The following RAB3IP variants were observed in gnomAD, a reference collection of about 807,000 sequenced individuals.
The protein encoded by RAB3IP is rab-3A-interacting protein.
A neutral mutation model predicts 59.1 loss-of-function variants in RAB3IP; 36 were observed. The observed-to-expected ratio is 0.61, with a 90% CI of 0.47 to 0.80. The LOEUF is 0.80. RAB3IP is among the 30% of genes least tolerant of loss of function. The pLI, the probability that RAB3IP is intolerant of heterozygous loss-of-function variation, is 0.00. For missense variants in RAB3IP, 511 were observed against 536.0 expected (o/e 0.95, Z 0.46); for synonymous variants, 207 against 191.2 (o/e 1.08, Z -0.68).
chr12:69,807,541 C>A (rs1233069737), intron 8 of RAB3IP, among the ~76,000 whole-genome samples: 2 of 145,674 alleles, frequency 1.4e-5, no homozygotes, highest in Admixed American at 6.8e-5. Context: ...GACAGGGTGG[C>A]TGGGCAGAGA....
chr12:69,741,921 T>C (rs1887383446), intron 1 of RAB3IP, among the ~76,000 whole-genome samples: 1 of 152,244 alleles, frequency 6.6e-6, no homozygotes, highest in African/African-American at 2.4e-5. Context: ...TAATGTAATA[T>C]GTAATTCTCA....
At position 69,769,774 on chromosome 12, in the gene RAB3IP, A is replaced by G. The variant is rs115062642; in HGVS notation, c.510+13111A>G. ...TACTAGTTGGGGAGAAGTAGCATGT[A>G]TTTTATGGTGATGTTTCATTGATTC... On this transcript the variant is annotated intron_variant, in intron 3 of 10. Coordinates refer to ENST00000247833, the MANE Select transcript of RAB3IP (RefSeq NM_022456.5). Among the ~76,000 whole-genome samples the G allele has an allele frequency of 4.9e-3, 753 of 152,320 alleles. 7 individuals are homozygous for G. The highest frequency in any genetic ancestry group is 0.017 in the African/African-American group (717 of 41,576).
At chr12:69,780,842 G>C (rs547641644) in intron 3 of RAB3IP, among the ~76,000 whole-genome samples, 1 of 151,934 alleles carries the variant, frequency 6.6e-6, no homozygotes, top group South Asian at 2.1e-4. Flanking sequence ...TGGAAGGTTT[G>C]ATTTTTGTTT....
intron 4 of RAB3IP, among the ~76,000 whole-genome samples, chr12:69,790,326 A>G (rs1876400720): frequency 6.6e-6 from 1 of 152,240 alleles, no homozygotes; most frequent in African/African-American, 2.4e-5. Context: ...CATCAAAAAG[A>G]ATAAAATACT....
At chr12:69,814,527 G>A (rs1207655242) in intron 10 of RAB3IP, among the ~76,000 whole-genome samples, 1 of 152,030 alleles carries the variant, frequency 6.6e-6, no homozygotes, top group Non-Finnish European at 1.5e-5. Context: ...TGTTGTGGGG[G>A]ACGGTCTTGT....
At chr12:69,758,526 C>T (rs1287504477) in intron 3 of RAB3IP, among the ~76,000 whole-genome samples, 3 of 152,054 alleles carry the variant, frequency 2.0e-5, no homozygotes, top group Non-Finnish European at 4.4e-5. Context: ...TGATATATTA[C>T]TTTACATCTG....
Position 69,800,437 on chromosome 12 carries a change from G to A in RAB3IP, c.1017+100G>A, listed in dbSNP as rs368599341. The A allele has an allele frequency of 3.7e-3, 2,589 of 703,324 alleles. 30 individuals carry two copies. The highest frequency in any genetic ancestry group is 0.016 in the South Asian group (524 of 32,118). The allele number at this position is 703,324 out of a possible 1,614,324, so 43.6% of individuals were successfully genotyped here. A position where few individuals can be genotyped will look rare whatever the true frequency, so the allele number is the denominator to read the frequency against. On this transcript the variant is annotated intron_variant, in intron 7 of 10. Coordinates refer to ENST00000247833, the MANE Select transcript of RAB3IP (RefSeq NM_022456.5). ...ATTTTAATATCTCTTACATAAATAA[G>A]TTATTATAAAATGTCATGTTTTGCT...
At chr12:69,757,510 CAT>C (rs937131828) in intron 3 of RAB3IP, among the ~76,000 whole-genome samples, 78 of 152,072 alleles carry the variant, frequency 5.1e-4, no homozygotes, top group Admixed American at 1.4e-3. Context: ...ACTGGAGACT[CAT>C]ATCAAAAGTA....
intron 3 of RAB3IP, among the ~76,000 whole-genome samples, chr12:69,761,473 G>A (rs1417858201): frequency 6.6e-6 from 1 of 152,120 alleles, no homozygotes; most frequent in Non-Finnish European, 1.5e-5. Context: ...CAGATGGGTG[G>A]TAAATCTAAT....
intron 8 of RAB3IP, among the ~76,000 whole-genome samples, chr12:69,803,877 T>C (rs886395646): frequency 2.6e-4 from 40 of 152,246 alleles, no homozygotes; most frequent in African/African-American, 9.6e-4. Flanking sequence ...ATGTGCCACA[T>C]TTTCTTAATC....
intron 3 of RAB3IP, among the ~76,000 whole-genome samples, chr12:69,779,544 C>CTTTTTTTTTTTTTTTTTT (rs544814718): frequency 6.8e-6 from 1 of 147,698 alleles, no homozygotes; most frequent in Non-Finnish European, 1.5e-5. Context: ...CCTCTTTAGT[C>CTTTTTTTTTTTTTTTTTT]TTTTTTTTTT....
intron 3 of RAB3IP, among the ~76,000 whole-genome samples, chr12:69,772,934 TC>T (rs150045130): frequency 0.02 from 3,014 of 152,330 alleles, 108 homozygotes; most frequent in African/African-American, 0.069. Flanking sequence ...AGCATTCTTT[TC>T]TTTCAGATTG....
At chr12:69,771,273 G>A (rs543296056) in intron 3 of RAB3IP, among the ~76,000 whole-genome samples, 1 of 152,306 alleles carries the variant, frequency 6.6e-6, no homozygotes, top group East Asian at 1.9e-4. Context: ...GCTTATGCCT[G>A]TAATCCCAGC....
chr12:69,738,586 G>A (rs889600742), upstream of RAB3IP: 3 of 81,492 alleles, frequency 3.7e-5, no homozygotes, highest in Non-Finnish European at 3.4e-5. Flanking sequence ...GCGAAACAGA[G>A]CGCGGGCCCG....
At chr12:69,798,604 C>G (rs866476098) in intron 6 of RAB3IP, among the ~76,000 whole-genome samples, 1 of 152,068 alleles carries the variant, frequency 6.6e-6, no homozygotes, top group African/African-American at 2.4e-5. Flanking sequence ...TTGCCCATGC[C>G]TATGTCCTGA....
intron 5 of RAB3IP, among the ~76,000 whole-genome samples, chr12:69,794,814 C>G (rs1238006573): frequency 1.3e-5 from 2 of 152,160 alleles, no homozygotes; most frequent in Admixed American, 1.3e-4. Flanking sequence ...GAAAAGCCAC[C>G]TAAATGTTAT....
intron 8 of RAB3IP, among the ~76,000 whole-genome samples, chr12:69,810,892 A>G (rs1368004970): frequency 6.6e-6 from 1 of 152,344 alleles, no homozygotes; most frequent in East Asian, 1.9e-4. Context: ...TTATTAATGT[A>G]GTGTAGCATG....
chr12:69,813,070 A>C (rs767375402), intron 10 of RAB3IP, 37 bp downstream of exon 10: 1 of 1,472,848 alleles, frequency 6.8e-7, no homozygotes, highest in East Asian at 2.3e-5. Flanking sequence ...CTTTACATAA[A>C]AGTTCAGCAA....
At position 69,819,570 on chromosome 12, in the gene RAB3IP, CAG is replaced by C. The variant is rs1485623026; in HGVS notation, c.*4128_*4129del. The C allele has an allele frequency of 6.6e-6, 1 of 152,276 alleles. No individual in the cohort carries two copies. The highest frequency in any genetic ancestry group is 2.4e-5 in the African/African-American group (1 of 41,408). 9.4% of individuals were successfully genotyped at this position (152,276 alleles called of 1,614,324 possible). ...AGCACTGAGCCCTGAGTTCCTGTGACAGAGAAGCAGCCTGCAAAGACGAAAGG... is the reference window on the plus strand; with the variant it reads ...AGCACTGAGCCCTGAGTTCCTGTGACAGAAGCAGCCTGCAAAGACGAAAGG... On this transcript the variant is annotated 3_prime_UTR_variant, in exon 11 of 11. Transcript: ENST00000247833.
Sources: gnomAD v4.1 joint callset for allele counts (sites outside exome capture counted in the v4.1 genomes callset) on GRCh38, gnomAD v4.1.1 for gene constraint, MANE v1.5 for transcripts, NCBI Gene and HGNC (gene_info 2026-07-23, HGNC 2026-07-21) for gene names.